ARAP1: variants seen among roughly 807,000 people sequenced by gnomAD.
ARAP1 encodes arf-GAP with Rho-GAP domain, ANK repeat and PH domain-containing protein 1.
A neutral mutation model predicts 172.2 loss-of-function variants in ARAP1; 76 were observed. The observed-to-expected ratio is 0.44, with a 90% confidence interval of 0.37 to 0.53. ARAP1 has a LOEUF of 0.53. Among genes scored for constraint, ARAP1 ranks in the 20% least tolerant of loss-of-function variants. The pLI, the probability that ARAP1 is intolerant of heterozygous loss-of-function variation, is 0.00. For missense variants in ARAP1, 1,686 were observed against 1,977.5 expected (o/e 0.85, Z 2.80); for synonymous variants, 804 against 803.3 (o/e 1.00, Z -0.01).
chr11:72,693,407 C>A lies in ARAP1; in HGVS notation c.3872G>T (p.Gly1291Val). 1.9e-6 allele frequency: 3 copies of A among 1,613,900 alleles called. No homozygotes were observed. The highest frequency in any genetic ancestry group is 2.5e-6 in the Non-Finnish European group (3 of 1,179,850). Residue 1291 changes from glycine to valine, a missense_variant, in exon 29 of 35, where the codon GGC becomes GTC. By Grantham distance (109) the Gly-to-Val change is moderately radical. This residue lies in a region of ARAP1 where 379 missense variants were observed against 500.1 expected (regional missense o/e 0.76). Coordinates refer to ENST00000393609, the MANE Select transcript of ARAP1 (RefSeq NM_001040118.3). The surrounding 1 kb of genome is among the most constrained non-coding windows in gnomAD (Gnocchi z 4.6). ...GAAGCCACCTGAGGGCAGGCCCAGG[C>A]CCAGGAGGCTGCGGTCCTCACGGAA... is the stretch of plus-strand genomic sequence containing the variant. ...MKFREDRSLLGLGLPSGGFHD... is the reference protein window; with the variant it reads ...MKFREDRSLLVLGLPSGGFHD...
intron 1 of ARAP1, among the ~76,000 whole-genome samples, chr11:72,736,768 G>A (rs867604446): frequency 1.3e-5 from 2 of 151,992 alleles, no homozygotes; most frequent in Non-Finnish European, 1.5e-5. Flanking sequence ...CAGTGCCTTC[G>A]AGCACTCCTT....
intron 33 of ARAP1, among the ~76,000 whole-genome samples, chr11:72,686,518 G>A (rs1429277029): frequency 6.6e-6 from 1 of 152,190 alleles, no homozygotes; most frequent in Non-Finnish European, 1.5e-5. Flanking sequence ...TTTAGGCTTT[G>A]CTTACCAGGA....
chr11:72,697,497 G>T lies in ARAP1; in HGVS notation c.2790-11C>A, dbSNP rs373084813. 5 of 1,612,346 alleles carry T rather than the reference G, an allele frequency of 3.1e-6. No individual in the cohort carries two copies. The African/African-American group carries it at 4.0e-5, about 13-fold the overall frequency. ...TGTATGTACAGTGTCCTGGGCCAGG[G>T]ACAGTCAGTCACTGAGGGGCCTACA... On this transcript the variant is annotated splice_polypyrimidine_tract_variant and intron_variant, in intron 20 of 34. Coordinates refer to ENST00000393609, the MANE Select transcript of ARAP1 (RefSeq NM_001040118.3).
At chr11:72,712,996 C>A in intron 5 of ARAP1, 180 bp downstream of exon 5, 2 of 680,604 alleles carry the variant, frequency 2.9e-6, no homozygotes, top group Non-Finnish European at 5.0e-6. Flanking sequence ...ACCCCTGGCC[C>A]AGAGCGCTGT....
intron 1 of ARAP1, among the ~76,000 whole-genome samples, chr11:72,745,618 G>A (rs778400311): frequency 9.3e-5 from 13 of 140,208 alleles, no homozygotes; most frequent in Middle Eastern, 3.8e-3. Context: ...ATACCCGCAT[G>A]GAGTACCCAC....
At chr11:72,709,501 G>A (rs1183284974) in intron 11 of ARAP1, among the ~76,000 whole-genome samples, 1 of 152,206 alleles carries the variant, frequency 6.6e-6, no homozygotes, top group Non-Finnish European at 1.5e-5. Context: ...GCAGAGGCTT[G>A]GTGGCCCAGA....
In ARAP1 at chr11:72,697,981, C is replaced by G. The variant is rs374176885; in HGVS notation, c.2667G>C (p.Ser889=). ...AQEGWFSLSG[S]ELRAVFPEGP... is the part of the protein sequence containing the mutation. ...CCTCCGGGAAGACAGCACGGAGCTCCGAGCCACTGAGAGAGAACCAGCCCT... is the reference window on the plus strand; with the variant it reads ...CCTCCGGGAAGACAGCACGGAGCTCGGAGCCACTGAGAGAGAACCAGCCCT... The change falls in exon 19 of 35, where the codon TCG becomes TCC. Residue 889 remains serine, a synonymous_variant. Transcript: ENST00000393609. 18 of 1,610,936 alleles carry G rather than the reference C, an allele frequency of 1.1e-5. No homozygotes were observed. Among genetic ancestry groups the G allele is most frequent in the Non-Finnish European group, 2.5e-6 (3 of 1,179,068 alleles).
intron 7 of ARAP1, among the ~76,000 whole-genome samples, chr11:72,711,990 C>G (rs905560740): frequency 6.6e-6 from 1 of 152,140 alleles, no homozygotes; most frequent in Admixed American, 6.5e-5. Context: ...GCCACTATGC[C>G]CAGCGATCTC....
chr11:72,735,006 G>C (rs2135582113), intron 1 of ARAP1, among the ~76,000 whole-genome samples: 1 of 151,528 alleles, frequency 6.6e-6, no homozygotes, highest in African/African-American at 2.4e-5. Flanking sequence ...TTTTAGACAG[G>C]GTCTCGCTCT....
At chr11:72,708,387 A>C (rs1856858887) in intron 11 of ARAP1, 1 of 152,256 alleles carries the variant, frequency 6.6e-6, no homozygotes, top group Admixed American at 6.5e-5. Context: ...TGTGTAGAAC[A>C]CTAAGTCTAC....
Position 72,699,932 on chromosome 11 carries a change from A to C in ARAP1, c.2303-380T>G. On this transcript the variant is annotated intron_variant, in intron 16 of 34. Coordinates refer to ENST00000393609, the MANE Select transcript of ARAP1 (RefSeq NM_001040118.3). This position sits in a 1 kb window ranked among gnomAD's most constrained non-coding sequence, Gnocchi z 4.2. ...CTCTCTGTCACTCCTGGACACACACATCCCTACCCAGCACTCCCAGCTTTT... is the reference window on the plus strand; with the variant it reads ...CTCTCTGTCACTCCTGGACACACACCTCCCTACCCAGCACTCCCAGCTTTT... 4.1e-6 allele frequency: 1 copy of C among 244,184 alleles called. No homozygotes were observed. Among genetic ancestry groups the C allele is most frequent in the Non-Finnish European group, 8.2e-6 (1 of 122,386 alleles). 15.1% of individuals were successfully genotyped at this position (244,184 alleles called of 1,614,324 possible).
At chr11:72,696,006 A>G (rs1565211744) in intron 23 of ARAP1, 141 bp from the exon 24 acceptor site, 1 of 1,088,644 alleles carries the variant, frequency 9.2e-7, no homozygotes, top group East Asian at 2.6e-5. Flanking sequence ...TTTTCTGGCC[A>G]TATCTTGGGT....
intron 5 of ARAP1, 64 bp from the exon 6 acceptor site, chr11:72,712,632 C>A (rs1156337708): frequency 6.2e-7 from 1 of 1,604,786 alleles, no homozygotes; most frequent in East Asian, 2.2e-5. Context: ...CCACCCGGGG[C>A]TGCCACGCCC....
intron 31 of ARAP1, 46 bp from the exon 32 acceptor site, chr11:72,687,784 A>G (rs377103103): frequency 1.1e-5 from 17 of 1,606,880 alleles, no homozygotes; most frequent in Non-Finnish European, 1.4e-5. Flanking sequence ...CAGGCCATAG[A>G]GGCTCAACAC....
In ARAP1 at chr11:72,698,103, A is replaced by C. The variant is rs1197004931; in HGVS notation, c.2545T>G (p.Phe849Val). 6.3e-7 allele frequency: 1 copy of C among 1,593,748 alleles called. No homozygotes were observed. Among genetic ancestry groups the C allele is most frequent in the Admixed American group, 1.8e-5 (1 of 56,152 alleles). The change falls in exon 19 of 35, where the codon TTC becomes GTC. Residue 849 changes from phenylalanine to valine, a missense_variant. By Grantham distance (50) the Phe-to-Val change is conservative. Around this residue, in one of 5 missense-constraint regions of ARAP1, gnomAD observed 688 missense variants for 856.9 expected, o/e 0.80. Coordinates refer to ENST00000393609, the MANE Select transcript of ARAP1 (RefSeq NM_001040118.3). ...HEWVKCIAKA[F>V]VPPLAEDLLA... ...AGATCCTCGGCTAGGGGAGGCACGAATGCCTGGCAGAGAGGCGCCGGGGGA... is the reference window on the plus strand; with the variant it reads ...AGATCCTCGGCTAGGGGAGGCACGACTGCCTGGCAGAGAGGCGCCGGGGGA...
rs1300396866 is a variant in ARAP1, at chr11:72,727,069, C to T, written c.60G>A (p.Leu20=). Residue 20 remains leucine, a synonymous_variant, in exon 3 of 35, where the codon CTG becomes CTA. Coordinates refer to ENST00000393609, the MANE Select transcript of ARAP1 (RefSeq NM_001040118.3). ...SVAEWLRALH[L]EQYTGLFEQH... ...GCTCAAAGAGCCCCGTGTACTGCTC[C>T]AGGTGCAATGCCCGCAGCCACTCGG... is the stretch of plus-strand genomic sequence containing the variant. The T allele has an allele frequency of 1.2e-6, 2 of 1,601,694 alleles. No individual in the cohort carries two copies. Among genetic ancestry groups the T allele is most frequent in the Non-Finnish European group, 1.7e-6 (2 of 1,170,898 alleles).
rs1246052148 is a variant in ARAP1, at chr11:72,727,042, C to T, written c.87G>A (p.Gln29=). The change falls in exon 3 of 35, where the codon CAG becomes CAA. Residue 29 remains glutamine, a synonymous_variant. Transcript: ENST00000393609. ...ACTCAGTGGCCCACACCAGGCCATG[C>T]TGCTCAAAGAGCCCCGTGTACTGCT... ...HLEQYTGLFE[Q]HGLVWATECQ... 2 of 1,610,134 alleles carry T rather than the reference C, an allele frequency of 1.2e-6. No individual in the cohort carries two copies. The highest frequency in any genetic ancestry group is 1.7e-6 in the Non-Finnish European group (2 of 1,178,342).
Position 72,692,768 on chromosome 11 carries a change from G to A in ARAP1, c.3972C>T (p.Ser1324=), listed in dbSNP as rs771468645. 38 of 1,613,714 alleles carry A rather than the reference G, an allele frequency of 2.4e-5. No individual in the cohort carries two copies. The highest frequency in any genetic ancestry group is 2.9e-5 in the Non-Finnish European group (34 of 1,180,000). ...AGCTACTCACGGTCTCAGGGGCCCCGCTCCACGGCCTCTGGCTCTGTTTGA... is the reference window on the plus strand; with the variant it reads ...AGCTACTCACGGTCTCAGGGGCCCCACTCCACGGCCTCTGGCTCTGTTTGA... ...YKEVRSQRPW[S]GAPETSHRPE... Residue 1324 remains serine, a synonymous_variant, in exon 30 of 35, where the codon AGC becomes AGT. Coordinates refer to ENST00000393609, the MANE Select transcript of ARAP1 (RefSeq NM_001040118.3).
chr11:72,744,623 C>T (rs1201165760), intron 1 of ARAP1, among the ~76,000 whole-genome samples: 1 of 152,228 alleles, frequency 6.6e-6, no homozygotes, highest in Non-Finnish European at 1.5e-5. Flanking sequence ...AGGACCATGA[C>T]TCAGACCTTG....
Sources: gnomAD v4.1 joint callset for allele counts (sites outside exome capture counted in the v4.1 genomes callset) on GRCh38, gnomAD v4.1.1 for gene constraint, gnomAD v4.1.1 regional missense constraint, Gnocchi (gnomAD v3.1) non-coding constraint, MANE v1.5 for transcripts, NCBI Gene and HGNC (gene_info 2026-07-23, HGNC 2026-07-21) for gene names.